NLRC3: variants seen among roughly 807,000 people sequenced by gnomAD.
NLRC3 encodes the protein NLR family CARD domain-containing protein 3.
A neutral mutation model predicts 91.6 loss-of-function variants in NLRC3; 87 were observed. The observed-to-expected ratio is 0.95, with a 90% CI of 0.80 to 1.14. The LOEUF (loss-of-function observed/expected upper bound fraction) is 1.14, where lower values mean the gene tolerates loss of function less well. Ranked by LOEUF, NLRC3 falls within the 50% of genes most tolerant of loss-of-function variation. NLRC3 has a pLI of 0.00. For missense variants in NLRC3, 1,577 were observed against 1,418.6 expected, an observed-to-expected ratio of 1.11 and a Z score of -1.79; for synonymous variants, 694 against 625.3, an observed-to-expected ratio of 1.11 and a Z score of -1.64.
At chr16:3,568,915 G>C (rs761451229) in intron 1 of NLRC3, among the ~76,000 whole-genome samples, 7 of 152,110 alleles carry the variant, frequency 4.6e-5, no homozygotes, top group Non-Finnish European at 7.4e-5. Context: ...AATATTGTTG[G>C]TATAAAAGAT....
intron 7 of NLRC3, 151 bp downstream of exon 7, chr16:3,557,442 A>T (rs78163348): frequency 0.057 from 34,699 of 607,068 alleles, 1,177 homozygotes; most frequent in Non-Finnish European, 0.066. Context: ...TATTATGTCC[A>T]GATGCTACCC....
At chr16:3,543,597 G>T in intron 16 of NLRC3, 89 bp from the exon 17 acceptor site, 1 of 867,510 alleles carries the variant, frequency 1.2e-6, no homozygotes, top group Non-Finnish European at 1.9e-6. Flanking sequence ...CTTGACTCAG[G>T]ATGGAAAGTG....
Position 3,564,279 on chromosome 16 carries a change from C to T in NLRC3, c.658G>A (p.Gly220Ser), listed in dbSNP as rs762715807. ...AGAGGCGTCCTGCACTCATCCAAGC[C>T]GTCCAGGATCAGGAGGGCCCTGGCT... ...VPARALLILD[G>S]LDECRTPLDF... The change falls in exon 5 of 20, where the codon GGC (glycine) becomes AGC (serine). Residue 220 changes from glycine (G) to serine (S), a missense_variant. Transcript: ENST00000359128. This position sits in a 1 kb window ranked among gnomAD's most constrained non-coding sequence, Gnocchi z 5.9. The T allele has an allele frequency of 1.2e-5, 19 of 1,612,104 alleles. No homozygotes were observed. Among genetic ancestry groups the T allele is most frequent in the Non-Finnish European group, 1.4e-5 (16 of 1,179,612 alleles).
chr16:3,550,693 A>C (rs1288183518), intron 10 of NLRC3, among the ~76,000 whole-genome samples, 196 bp from the exon 11 acceptor site: 2 of 152,202 alleles, frequency 1.3e-5, no homozygotes, highest in African/African-American at 4.8e-5. Context: ...GTAAGAAATC[A>C]GGATAGCAAA....
intron 2 of NLRC3, among the ~76,000 whole-genome samples, chr16:3,566,391 G>C (rs916768560): frequency 6.6e-6 from 1 of 152,080 alleles, no homozygotes; most frequent in Admixed American, 6.6e-5. Flanking sequence ...AGGAATTTGA[G>C]ACCAGCCTGG....
intron 13 of NLRC3, 72 bp from the exon 14 acceptor site, chr16:3,548,825 A>C (rs1042492360): frequency 2.2e-5 from 24 of 1,075,938 alleles, no homozygotes. Context: ...GTCACCAGGG[A>C]TTCCAGGGCT....
intron 19 of NLRC3, 48 bp from the exon 20 acceptor site, chr16:3,541,963 T>C (rs1448458539): frequency 7.1e-6 from 8 of 1,130,690 alleles, no homozygotes; most frequent in Non-Finnish European, 9.3e-6. Flanking sequence ...AGGTTCTCTT[T>C]AGTAGAGCAG....
intron 1 of NLRC3, among the ~76,000 whole-genome samples, chr16:3,568,536 C>G (rs1017173241): frequency 6.6e-6 from 1 of 152,132 alleles, no homozygotes; most frequent in African/African-American, 2.4e-5. Context: ...CCAGCCTGGG[C>G]AAAGTAGTGA....
chr16:3,550,131 T>TC (rs1187945226), intron 11 of NLRC3, among the ~76,000 whole-genome samples: 1 of 152,072 alleles, frequency 6.6e-6, no homozygotes, highest in Non-Finnish European at 1.5e-5. Context: ...AGCTCTCCTT[T>TC]CCCCTACCAA....
chr16:3,574,918 C>T (rs377487860), intron 1 of NLRC3, among the ~76,000 whole-genome samples: 10 of 152,002 alleles, frequency 6.6e-5, no homozygotes, highest in Admixed American at 5.2e-4. Flanking sequence ...GCCAAGATCA[C>T]GCCACTGCAC....
chr16:3,553,267 C>G (rs1332747426), intron 9 of NLRC3, among the ~76,000 whole-genome samples: 2 of 152,172 alleles, frequency 1.3e-5, no homozygotes, highest in African/African-American at 4.8e-5. Flanking sequence ...CAAAATCAGC[C>G]TCTGGCCACT....
At chr16:3,553,827 C>T (rs900861289) in intron 9 of NLRC3, among the ~76,000 whole-genome samples, 6 of 151,688 alleles carry the variant, frequency 4.0e-5, no homozygotes, top group Admixed American at 1.3e-4. Context: ...CTGCACCCTC[C>T]GCCTCCCAGG....
At chr16:3,558,755 T>C (rs2039472650) in intron 6 of NLRC3, among the ~76,000 whole-genome samples, 1 of 152,102 alleles carries the variant, frequency 6.6e-6, no homozygotes, top group Non-Finnish European at 1.5e-5. Context: ...GTAGTTCAAT[T>C]AGAATCCCCA....
At chr16:3,575,714 G>A (rs954656538) in intron 1 of NLRC3, among the ~76,000 whole-genome samples, 2 of 152,174 alleles carry the variant, frequency 1.3e-5, no homozygotes, top group African/African-American at 2.4e-5. Context: ...CCTCAGTCCC[G>A]ACGGACTAGC....
At chr16:3,555,046 A>G (rs1448449660) in intron 8 of NLRC3, among the ~76,000 whole-genome samples, 1 of 152,122 alleles carries the variant, frequency 6.6e-6, no homozygotes, top group Non-Finnish European at 1.5e-5. Flanking sequence ...CCTGGCCAAC[A>G]TGGTGAAACC....
chr16:3,563,610 C>T lies in NLRC3; in HGVS notation c.1327G>A (p.Glu443Lys), dbSNP rs553604281. ...TAGGCCACTGACGATGCCAACGTCT[C>T]CTCTCTCTGCAGGAAGCAGCTGCAC... The part of the protein sequence containing the change: ...APCSCFLQRE[E>K]TLASSVAYCF... The change falls in exon 5 of 20, where the codon GAG becomes AAG. Residue 443 changes from glutamate to lysine, a missense_variant. Physicochemically the swap from Glu to Lys is moderately conservative, Grantham distance 56. Transcript: ENST00000359128. 2 of 1,613,342 alleles carry T rather than the reference C, an allele frequency of 1.2e-6. No individual in the cohort carries two copies. The highest frequency in any genetic ancestry group is 1.1e-5 in the South Asian group (1 of 91,006).
intron 1 of NLRC3, among the ~76,000 whole-genome samples, chr16:3,570,846 G>C (rs1419892496): frequency 2.6e-5 from 4 of 152,196 alleles, no homozygotes; most frequent in African/African-American, 9.7e-5. Context: ...ATGGAGGGGA[G>C]CCACTGGGGG....
rs199475938 is a variant in NLRC3 at position 3,563,356 on chromosome 16, G to A, written c.1581C>T (p.Ala527=). The A allele has an allele frequency of 9.4e-5, 150 of 1,590,308 alleles. 1 individual carries two copies. In the East Asian group the frequency reaches 3.0e-3, roughly 32 times the overall value. ...GGGCCAGCAGGGAGCCGGCCAGGAG[G>A]GCATTGACCCTCGGAGACAAGAGGC... The part of the protein sequence containing the change: ...LSGLLSPRVN[A]LLAGSLLAQG... The change falls in exon 5 of 20, where the codon GCC becomes GCT. Residue 527 remains alanine, a synonymous_variant. Coordinates refer to ENST00000359128, the MANE Select transcript of NLRC3 (RefSeq NM_178844.4).
At position 3,561,770 on chromosome 16, in the gene NLRC3, G is replaced by T. The variant is rs527787111; in HGVS notation, c.1947C>A (p.Phe649Leu). The change falls in exon 6 of 20, where the codon TTC becomes TTA. Residue 649 changes from phenylalanine (F) to leucine (L), a missense_variant. By Grantham distance (22) the Phe-to-Leu change is conservative. Coordinates refer to ENST00000359128, the MANE Select transcript of NLRC3 (RefSeq NM_178844.4). ...CCAGCAGCTCCATCACGGGGTCCTG[G>T]AACTGGTTGGTGTCCAGCCTGGCCA... is the stretch of plus-strand genomic sequence containing the variant. ...CRKLRLDTNQ[F>L]QDPVMELLGS... 1.7e-4 allele frequency: 275 copies of T among 1,613,414 alleles called. 2 individuals are homozygous for T. The South Asian group carries it at 2.9e-3, about 17-fold the overall frequency.
Sources: allele counts gnomAD v4.1 joint callset (sites outside exome capture counted in the v4.1 genomes callset), GRCh38; gene constraint gnomAD v4.1.1; non-coding constraint Gnocchi (gnomAD v3.1); transcripts MANE v1.5; gene names NCBI Gene and HGNC (gene_info 2026-07-23, HGNC 2026-07-21).